The following SRPX variants were observed in gnomAD, a reference collection of about 807,000 sequenced individuals.
SRPX encodes sushi repeat-containing protein SRPX.
Under a neutral mutation model 38.1 loss-of-function variants are expected in SRPX, and 24 were observed. That is an observed-to-expected ratio of 0.63 (90% CI 0.46 to 0.89). The LOEUF (loss-of-function observed/expected upper bound fraction) is 0.89, where lower values mean the gene tolerates loss of function less well. Ranked by LOEUF, SRPX falls within the 40% of genes least tolerant of loss-of-function variation. The probability of loss-of-function intolerance (pLI) is 0.00; values close to 1 mark genes in which losing one functional copy is unlikely to be tolerated. For synonymous variants in SRPX, 184 were observed against 153.8 expected (o/e 1.20, Z -1.45); for missense variants, 416 against 377.8 (o/e 1.10, Z -0.84).
At chrX:38,217,289 A>G (rs1429045581) in intron 1 of SRPX, among the ~76,000 whole-genome samples, 1 of 112,633 alleles carries the variant, frequency 8.9e-6, no homozygotes, top group Non-Finnish European at 1.9e-5. Flanking sequence ...TATAAGAGAC[A>G]TGAGTGAGAC....
intron 1 of SRPX, among the ~76,000 whole-genome samples, chrX:38,183,017 C>T (rs1407003367): frequency 1.8e-5 from 2 of 110,129 alleles, no homozygotes; most frequent in African/African-American, 6.6e-5. Flanking sequence ...TAAACTGATA[C>T]ACAAATGAAT....
chrX:38,205,284 C>T (rs998691248), intron 1 of SRPX, among the ~76,000 whole-genome samples: 1 of 112,052 alleles, frequency 8.9e-6, no homozygotes, highest in East Asian at 2.8e-4. Flanking sequence ...AGTTGGCAGA[C>T]GAAAGCAGAA....
At chrX:38,174,475 A>G (rs1938535041) in intron 2 of SRPX, 124 bp from the exon 3 acceptor site, 3 of 466,202 alleles carry the variant, frequency 6.4e-6, no homozygotes, top group South Asian at 2.2e-4. Flanking sequence ...TTAGTGCCCC[A>G]TGTTTTCTTA....
At chrX:38,189,743 A>T (rs1331130254) in intron 1 of SRPX, among the ~76,000 whole-genome samples, 3 of 111,846 alleles carry the variant, frequency 2.7e-5, no homozygotes, top group Admixed American at 9.5e-5. Flanking sequence ...TTTTTAAATC[A>T]GCACTGATTT....
chrX:38,217,971 G>A (rs1407809384), intron 1 of SRPX, among the ~76,000 whole-genome samples: 1 of 112,327 alleles, frequency 8.9e-6, no homozygotes, highest in African/African-American at 3.2e-5. Flanking sequence ...ACTTTTGTCA[G>A]CTGATTACAT....
intron 7 of SRPX, 129 bp from the exon 8 acceptor site, chrX:38,157,158 T>G: frequency 1.2e-6 from 1 of 847,960 alleles, no homozygotes; most frequent in South Asian, 2.9e-5. Flanking sequence ...TGTAAACAGT[T>G]TATTTGGGAG....
At chrX:38,160,728 C>G (rs1043321719) in intron 6 of SRPX, among the ~76,000 whole-genome samples, 1 of 110,900 alleles carries the variant, frequency 9.0e-6, no homozygotes, top group African/African-American at 3.3e-5. Context: ...CTTAAATAAT[C>G]TGGCAACACT....
At chrX:38,166,770 C>T (rs1185329580) in intron 4 of SRPX, among the ~76,000 whole-genome samples, 1 of 111,894 alleles carries the variant, frequency 8.9e-6, no homozygotes, top group Non-Finnish European at 1.9e-5. Context: ...ACCATATTTT[C>T]TTGGTGCAGC....
At chrX:38,207,461 A>G (rs896952562) in intron 1 of SRPX, among the ~76,000 whole-genome samples, 1 of 112,631 alleles carries the variant, frequency 8.9e-6, no homozygotes, top group Non-Finnish European at 1.9e-5. Flanking sequence ...ACACAGACAG[A>G]CAAAAAGAGG....
chrX:38,202,565 C>A (rs190483660), intron 1 of SRPX, among the ~76,000 whole-genome samples: 1,319 of 111,628 alleles, frequency 0.012, 29 homozygotes, highest in African/African-American at 0.041. Context: ...ACAATGGAAA[C>A]AATCAAACCA....
At chrX:38,216,128 A>T (rs1027186110) in intron 1 of SRPX, among the ~76,000 whole-genome samples, 11 of 111,614 alleles carry the variant, frequency 9.9e-5, no homozygotes, top group Non-Finnish European at 1.3e-4. Context: ...CTCTACTTTC[A>T]CTTTTCTTGG....
intron 1 of SRPX, among the ~76,000 whole-genome samples, chrX:38,193,089 G>A (rs1938936652): frequency 8.9e-6 from 1 of 112,041 alleles, no homozygotes; most frequent in Admixed American, 9.4e-5. Context: ...TCCTAACACA[G>A]TCCTTACAGT....
intron 1 of SRPX, among the ~76,000 whole-genome samples, chrX:38,181,965 C>A (rs1380892572): frequency 9.0e-6 from 1 of 111,267 alleles, no homozygotes; most frequent in African/African-American, 3.3e-5. Flanking sequence ...GTCAAACTTA[C>A]TCTTTTTCCG....
intron 1 of SRPX, among the ~76,000 whole-genome samples, chrX:38,185,475 T>A (rs1818205256): frequency 8.9e-6 from 1 of 111,800 alleles, no homozygotes; most frequent in South Asian, 3.7e-4. Context: ...AAAGATCAAA[T>A]CCAAGGCATT....
intron 1 of SRPX, among the ~76,000 whole-genome samples, chrX:38,198,120 C>A (rs1368298499): frequency 8.9e-6 from 1 of 112,027 alleles, no homozygotes; most frequent in Non-Finnish European, 1.9e-5. Flanking sequence ...GAAAAAGCAA[C>A]CTTTGGGGAG....
chrX:38,192,473 C>G lies in SRPX; in HGVS notation c.98-14129G>C, dbSNP rs766513943. ...TCATTCTACTTCCTGTACAATCATC[C>G]TGCTACTTTTCAGTCTCGAGCTGCT... On this transcript the variant is annotated intron_variant, in intron 1 of 9. Transcript: ENST00000378533. Among the ~76,000 whole-genome samples the G allele has an allele frequency of 2.8e-4, 31 of 111,793 alleles. No homozygotes were observed. In the East Asian group the frequency reaches 7.0e-3, roughly 25 times the overall value.
chrX:38,195,388 T>TG (rs1400505280), intron 1 of SRPX, among the ~76,000 whole-genome samples: 1 of 106,568 alleles, frequency 9.4e-6, no homozygotes, highest in Non-Finnish European at 1.9e-5. Flanking sequence ...TGTGGTTTTT[T>TG]TTTTTTTTTT....
At chrX:38,164,921 A>T (rs1311312943) in intron 4 of SRPX, 26 bp from the exon 5 acceptor site, 1 of 1,197,897 alleles carries the variant, frequency 8.3e-7, no homozygotes, top group Non-Finnish European at 1.1e-6. Flanking sequence ...AAACATTCTC[A>T]TCATCATCAA....
intron 1 of SRPX, among the ~76,000 whole-genome samples, chrX:38,209,570 C>A (rs1255834833): frequency 8.9e-6 from 1 of 111,811 alleles, no homozygotes; most frequent in Non-Finnish European, 1.9e-5. Context: ...TGAATGTGTC[C>A]TGAGGCTTCC....
Sources: gnomAD v4.1 joint callset for allele counts (sites outside exome capture counted in the v4.1 genomes callset) on GRCh38, gnomAD v4.1.1 for gene constraint, MANE v1.5 for transcripts, NCBI Gene and HGNC (gene_info 2026-07-23, HGNC 2026-07-21) for gene names.